ENSA: variants seen among roughly 807,000 people sequenced by gnomAD.
ENSA encodes the protein alpha-endosulfine.
Under a neutral mutation model 16.8 loss-of-function variants are expected in ENSA, and 7 were observed. The ratio of observed to expected loss-of-function variants is 0.42; its 90% CI spans 0.24 to 0.78. The LOEUF is 0.78. Among genes scored for constraint, ENSA ranks in the 30% least tolerant of loss-of-function variants. The pLI is 0.29. For missense variants in ENSA, 87 were observed against 142.3 expected, an observed-to-expected ratio of 0.61 and a Z score of 1.98; for synonymous variants, 58 against 53.4, an observed-to-expected ratio of 1.09 and a Z score of -0.37.
At chr1:150,625,849 G>A (rs902403692) in intron 2 of ENSA, 41 bp from the exon 3 acceptor site, 1 of 1,523,630 alleles carries the variant, frequency 6.6e-7, no homozygotes. Flanking sequence ...GAGGACTCTG[G>A]CCTTCCTCAA....
chr1:150,627,831 G>A (rs1649456654), intron 1 of ENSA, among the ~76,000 whole-genome samples: 2 of 152,192 alleles, frequency 1.3e-5, no homozygotes, highest in South Asian at 4.1e-4. Context: ...AGGGACCTGT[G>A]CGTATTGGGC....
chr1:150,622,687 G>A lies in ENSA; in HGVS notation c.*157C>T. 2 of 635,966 alleles carry A rather than the reference G, an allele frequency of 3.1e-6. No individual in the cohort carries two copies. The highest frequency in any genetic ancestry group is 2.5e-6 in the Non-Finnish European group (1 of 392,508). The allele number at this position is 635,966 out of a possible 1,614,324, so 39.4% of individuals were successfully genotyped here. A position where few individuals can be genotyped will look rare whatever the true frequency, so the allele number is the denominator to read the frequency against. ...CTCAGCCCAAGGGGCTCCATGTGCT[G>A]GGACACCAACAGGAAAGGGCTTCTG... On this transcript the variant is annotated 3_prime_UTR_variant, in exon 4 of 4. Coordinates refer to ENST00000369014, the MANE Select transcript of ENSA (RefSeq NM_004436.4).
Position 150,624,075 on chromosome 1 carries a change from CCT to C in ENSA, c.351-1218_351-1217del, listed in dbSNP as rs1649144112. 9.1e-6 allele frequency: 9 copies of C among 985,390 alleles called. No homozygotes were observed. The South Asian group carries it at 3.8e-4, about 41-fold the overall frequency. 61.0% of individuals were successfully genotyped at this position (985,390 alleles called of 1,614,324 possible). A position where few individuals can be genotyped will look rare whatever the true frequency, so the allele number is the denominator to read the frequency against. On this transcript the variant is annotated intron_variant, in intron 3 of 3. Transcript: ENST00000369014. Reference sequence around the variant, plus strand: ...CTTGAGCATTAGTTCTCACCCTGGTCCTCTCTGTCATAACTAGCAAGTTGCGT... The same window carrying C: ...CTTGAGCATTAGTTCTCACCCTGGTCCTCTGTCATAACTAGCAAGTTGCGT...
intron 3 of ENSA, 135 bp from the exon 4 acceptor site, chr1:150,622,994 T>C: frequency 8.3e-7 from 1 of 1,212,036 alleles, no homozygotes; most frequent in Non-Finnish European, 1.1e-6. Context: ...CTGGCATGTC[T>C]CAATCCTATC....
intron 2 of ENSA, 165 bp downstream of exon 2, chr1:150,627,302 A>G (rs746249586): frequency 1.3e-6 from 2 of 1,590,120 alleles, no homozygotes; most frequent in Non-Finnish European, 1.7e-6. Context: ...ATACCACATC[A>G]GGGATTTACA....
intron 3 of ENSA, chr1:150,624,193 G>A (rs1649150527): frequency 1.0e-6 from 1 of 985,430 alleles, no homozygotes; most frequent in South Asian, 4.7e-5. Flanking sequence ...GAGTCAGCAT[G>A]GCTACCTCTC....
intron 1 of ENSA, chr1:150,629,043 G>T (rs1557772374): frequency 6.2e-7 from 1 of 1,613,412 alleles, no homozygotes; most frequent in Non-Finnish European, 8.5e-7. Flanking sequence ...GCCCCAGCCC[G>T]GTTGCTGGGT....
intron 1 of ENSA, among the ~76,000 whole-genome samples, chr1:150,627,836 T>C (rs982745612): frequency 6.6e-6 from 1 of 152,226 alleles, no homozygotes; most frequent in African/African-American, 2.4e-5. Context: ...CCTGTGCGTA[T>C]TGGGCTAAAG....
chr1:150,624,253 T>C (rs1472704111), intron 3 of ENSA: 53 of 985,756 alleles, frequency 5.4e-5, no homozygotes, highest in Non-Finnish European at 6.1e-5. Flanking sequence ...CAGAGATTTC[T>C]CAGTCTTCCT....
downstream of ENSA, chr1:150,621,725 C>T (rs587696237): frequency 3.9e-5 from 6 of 152,246 alleles, no homozygotes; most frequent in Admixed American, 3.9e-4. Context: ...AGCAGAAAGA[C>T]TTGAGTTTCT....
At chr1:150,629,314 G>A (rs775676728) in intron 1 of ENSA, 100 bp downstream of exon 1, 323 of 1,547,864 alleles carry the variant, frequency 2.1e-4, no homozygotes, top group Non-Finnish European at 2.7e-4. Flanking sequence ...CAACCCCTGC[G>A]GAGCCTGAGA....
intron 1 of ENSA, chr1:150,628,913 T>C: frequency 1.3e-6 from 1 of 783,544 alleles, no homozygotes; most frequent in East Asian, 2.7e-5. Flanking sequence ...AATAGGTCTC[T>C]TGAGAAAGTT....
chr1:150,625,081 C>G (rs1571009332), intron 3 of ENSA: 1 of 985,372 alleles, frequency 1.0e-6, no homozygotes, highest in Non-Finnish European at 1.2e-6. Flanking sequence ...GTAAGAGATA[C>G]TAAGTAATGG....
intron 2 of ENSA, chr1:150,626,925 T>A: frequency 6.8e-6 from 3 of 443,000 alleles, no homozygotes; most frequent in Non-Finnish European, 9.4e-6. Flanking sequence ...GATCAGGAGC[T>A]ACATGGCTAT....
intron 3 of ENSA, chr1:150,624,871 A>C: frequency 1.0e-6 from 1 of 971,604 alleles, no homozygotes; most frequent in Non-Finnish European, 1.2e-6. Flanking sequence ...GAGAGGCTAA[A>C]TGACTTAATC....
At chr1:150,628,134 A>G (rs1649478362) in intron 1 of ENSA, among the ~76,000 whole-genome samples, 1 of 152,150 alleles carries the variant, frequency 6.6e-6, no homozygotes, top group Non-Finnish European at 1.5e-5. Flanking sequence ...CCGTCTCTAC[A>G]ACAACAAAAA....
intron 3 of ENSA, 43 bp from the exon 4 acceptor site, chr1:150,622,902 C>T: frequency 6.5e-7 from 1 of 1,535,956 alleles, no homozygotes; most frequent in Non-Finnish European, 8.8e-7. Context: ...ACAACACTGT[C>T]AAGTAATAGG....
chr1:150,625,492 T>G, intron 3 of ENSA, 150 bp downstream of exon 3: 1 of 1,359,964 alleles, frequency 7.4e-7, no homozygotes, highest in Non-Finnish European at 9.5e-7. Context: ...CTTTTCAACC[T>G]ACATTACCTT....
At chr1:150,622,936 C>A (rs1649062314) in intron 3 of ENSA, 77 bp from the exon 4 acceptor site, 2 of 1,486,516 alleles carry the variant, frequency 1.3e-6, no homozygotes, top group South Asian at 2.5e-5. Context: ...GAACTCCAAC[C>A]CAGTCTCTAC....
Sources: allele counts gnomAD v4.1 joint callset (sites outside exome capture counted in the v4.1 genomes callset), GRCh38; gene constraint gnomAD v4.1.1; transcripts MANE v1.5; gene names NCBI Gene and HGNC (gene_info 2026-07-23, HGNC 2026-07-21).